The following ZFHX3 variants were observed in gnomAD, a reference collection of about 807,000 sequenced individuals.
ZFHX3 encodes the protein zinc finger homeobox protein 3.
A neutral mutation model predicts 279.1 loss-of-function variants in ZFHX3; 42 were observed. The ratio of observed to expected loss-of-function variants is 0.15; its 90% CI spans 0.12 to 0.19. The LOEUF is 0.19. Among genes scored for constraint, ZFHX3 ranks in the 10% least tolerant of loss-of-function variants. The pLI, the probability that ZFHX3 is intolerant of heterozygous loss-of-function variation, is 1.00. For synonymous variants in ZFHX3, 2,293 were observed against 1,957.8 expected, an observed-to-expected ratio of 1.17 and a Z score of -4.52; for missense variants, 4,981 against 4,754.0, an observed-to-expected ratio of 1.05 and a Z score of -1.40.
chr16:73,891,687 T>A (rs2030543265), exon 1 of ZFHX3: 1 of 151,860 alleles, frequency 6.6e-6, no homozygotes, highest in South Asian at 2.1e-4. Context: ...TTAAAAGGAA[T>A]TCCCTGTGGT....
rs981790757 is a variant in ZFHX3, at chr16:72,958,866, G to A, written c.1280C>T (p.Pro427Leu). 1 of 1,613,258 alleles carries A rather than the reference G, an allele frequency of 6.2e-7. No individual in the cohort carries two copies. The change falls in exon 2 of 10, where the codon CCT becomes CTT. Residue 427 changes from proline (P) to leucine (L), a missense_variant. By Grantham distance (98) the Pro-to-Leu change is moderately conservative. Around this residue, in one of 7 missense-constraint regions of ZFHX3, gnomAD observed 1,068 missense variants for 935.2 expected, o/e 1.14. Coordinates refer to ENST00000268489, the MANE Select transcript of ZFHX3 (RefSeq NM_006885.4). ...GTCCTTGCCCTCTGAGGATTTGGTAGGACTGGAAGCCAGAGGCCCCAGGGG... is the reference window on the plus strand; with the variant it reads ...GTCCTTGCCCTCTGAGGATTTGGTAAGACTGGAAGCCAGAGGCCCCAGGGG... The part of the protein sequence containing the change: ...SVPLGPLASS[P>L]TKSSEGKDSG...
At chr16:72,918,529 A>C (rs2039500327) in intron 3 of ZFHX3, among the ~76,000 whole-genome samples, 1 of 152,194 alleles carries the variant, frequency 6.6e-6, no homozygotes, top group African/African-American at 2.4e-5. Flanking sequence ...TGTCTCTTCT[A>C]GAAGAGGAAC....
intron 2 of ZFHX3, among the ~76,000 whole-genome samples, chr16:73,497,772 G>C (rs1332322261): frequency 6.6e-6 from 1 of 152,212 alleles, no homozygotes; most frequent in East Asian, 1.9e-4. Flanking sequence ...GATATGGGTA[G>C]AAAAAGGTGG....
intron 3 of ZFHX3, among the ~76,000 whole-genome samples, chr16:73,383,896 T>C (rs1256035239): frequency 6.6e-6 from 1 of 152,238 alleles, no homozygotes; most frequent in Non-Finnish European, 1.5e-5. Context: ...CCCAGAAGAA[T>C]GCATGCCTTC....
intron 1 of ZFHX3, among the ~76,000 whole-genome samples, chr16:73,875,796 C>T (rs374345032): frequency 2.0e-5 from 3 of 152,136 alleles, no homozygotes; most frequent in Non-Finnish European, 2.9e-5. Context: ...TATGCAGTTA[C>T]GCATGTATAT....
At chr16:72,881,611 G>C (rs1175805043) in intron 4 of ZFHX3, among the ~76,000 whole-genome samples, 1 of 152,180 alleles carries the variant, frequency 6.6e-6, no homozygotes, top group Middle Eastern at 3.2e-3. Flanking sequence ...AGACGGTACA[G>C]GTACAAATCA....
At chr16:73,132,922 G>A (rs752265226) in intron 6 of ZFHX3, among the ~76,000 whole-genome samples, 5 of 152,194 alleles carry the variant, frequency 3.3e-5, no homozygotes, top group African/African-American at 9.7e-5. Context: ...CGGTTTGGCC[G>A]ATCGTGATGG....
chr16:73,331,724 C>T (rs1239096210), intron 3 of ZFHX3, among the ~76,000 whole-genome samples: 1 of 152,134 alleles, frequency 6.6e-6, no homozygotes, highest in East Asian at 1.9e-4. Flanking sequence ...CTGCTACATT[C>T]CCAGGGACCT....
At chr16:73,458,168 C>T (rs1237098738) in intron 2 of ZFHX3, among the ~76,000 whole-genome samples, 1 of 152,082 alleles carries the variant, frequency 6.6e-6, no homozygotes, top group East Asian at 1.9e-4. Flanking sequence ...TCTTATTATG[C>T]CTCTTTCTCT....
At chr16:73,852,128 A>G (rs1363264663) in intron 1 of ZFHX3, among the ~76,000 whole-genome samples, 1 of 152,228 alleles carries the variant, frequency 6.6e-6, no homozygotes, top group East Asian at 1.9e-4. Flanking sequence ...GCTCAGGGTG[A>G]ATATAAATGG....
intron 4 of ZFHX3, among the ~76,000 whole-genome samples, chr16:72,888,691 C>T (rs1243032907): frequency 6.6e-6 from 1 of 152,174 alleles, no homozygotes; most frequent in Non-Finnish European, 1.5e-5. Context: ...AAGGGCTGGG[C>T]AACAATTTCA....
intron 1 of ZFHX3, chr16:72,973,642 G>C (rs1237972304): frequency 6.6e-6 from 1 of 152,252 alleles, no homozygotes; most frequent in African/African-American, 2.4e-5. Flanking sequence ...ACTTTGGGAG[G>C]CCAAGGCGGG....
chr16:72,850,013 T>C (rs928118911), intron 4 of ZFHX3, among the ~76,000 whole-genome samples: 2 of 150,446 alleles, frequency 1.3e-5, no homozygotes, highest in Non-Finnish European at 2.9e-5. Context: ...GTGGGAACGG[T>C]CGGGGGACTG....
intron 2 of ZFHX3, among the ~76,000 whole-genome samples, chr16:73,576,144 T>C (rs1169859455): frequency 1.3e-5 from 2 of 150,894 alleles, no homozygotes; most frequent in African/African-American, 4.9e-5. Context: ...CATGGCACTA[T>C]TTTTTTTTAA....
At chr16:73,717,774 A>G (rs1254564438) in intron 1 of ZFHX3, among the ~76,000 whole-genome samples, 1 of 152,176 alleles carries the variant, frequency 6.6e-6, no homozygotes, top group Non-Finnish European at 1.5e-5. Context: ...TCCCCAGTTC[A>G]TTAGCCATGA....
intron 3 of ZFHX3, among the ~76,000 whole-genome samples, chr16:73,403,536 A>G (rs1027644780): frequency 3.6e-5 from 5 of 137,770 alleles, no homozygotes; most frequent in African/African-American, 6.0e-5. Context: ...TAGAATCATG[A>G]AGGCCACATG....
intron 4 of ZFHX3, among the ~76,000 whole-genome samples, chr16:72,878,777 C>T (rs984704424): frequency 6.6e-6 from 1 of 152,310 alleles, no homozygotes; most frequent in Admixed American, 6.5e-5. Context: ...CCCTGGGCCT[C>T]TGTACCAAGT....
chr16:73,464,612 G>T (rs1597345426), intron 2 of ZFHX3, among the ~76,000 whole-genome samples: 2 of 104,812 alleles, frequency 1.9e-5, no homozygotes, highest in Admixed American at 1.1e-4. Flanking sequence ...GGGGAGAGGG[G>T]AAAACACAAC....
At chr16:73,231,164 C>A (rs1221103156) in intron 5 of ZFHX3, among the ~76,000 whole-genome samples, 1 of 152,200 alleles carries the variant, frequency 6.6e-6, no homozygotes, top group Non-Finnish European at 1.5e-5. Context: ...TGAGGTACCA[C>A]TCCCCGGGAC....
Sources: allele counts gnomAD v4.1 joint callset (sites outside exome capture counted in the v4.1 genomes callset), GRCh38; gene constraint gnomAD v4.1.1; regional missense constraint gnomAD v4.1.1; transcripts MANE v1.5; gene names NCBI Gene and HGNC (gene_info 2026-07-23, HGNC 2026-07-21).